GOLGA1: variants seen among roughly 807,000 people sequenced by gnomAD.
The protein encoded by GOLGA1 is golgin A1.
GOLGA1 carries 63 observed loss-of-function variants against 119.7 expected under a neutral mutation model. That is an observed-to-expected ratio of 0.53 (90% CI 0.43 to 0.65). The LOEUF is 0.65. Among genes scored for constraint, GOLGA1 ranks in the 30% least tolerant of loss-of-function variants. The pLI is 0.00. For missense variants in GOLGA1, 798 were observed against 912.8 expected (o/e 0.87, Z 1.62); for synonymous variants, 318 against 333.4 (o/e 0.95, Z 0.50).
rs749625921 is a variant in GOLGA1, at chr9:124,889,126, G to C, written c.1761+17C>G. Reference sequence around the variant, plus strand: ...GCATCTTGCTGTAGCACCCATGCAGGTGCAGCTGGGACTTACGTGCGACTC... The same window carrying C: ...GCATCTTGCTGTAGCACCCATGCAGCTGCAGCTGGGACTTACGTGCGACTC... On this transcript the variant is annotated intron_variant, in intron 18 of 22. Transcript: ENST00000373555. 1 of 1,592,794 alleles carries C rather than the reference G, an allele frequency of 6.3e-7. No homozygotes were observed. Among genetic ancestry groups the C allele is most frequent in the Non-Finnish European group, 8.6e-7 (1 of 1,167,066 alleles).
chr9:124,940,916 G>A (rs1391860140), intron 1 of GOLGA1, 55 bp downstream of exon 1: 1 of 152,306 alleles, frequency 6.6e-6, no homozygotes, highest in Non-Finnish European at 1.5e-5. Flanking sequence ...GACAGACCGA[G>A]GCCACTGGGA....
intron 19 of GOLGA1, chr9:124,887,361 G>C (rs765890916): frequency 6.6e-6 from 1 of 152,412 alleles, no homozygotes; most frequent in African/African-American, 2.4e-5. Context: ...GGCTCAGGGG[G>C]CTGGGCTTCT....
chr9:124,883,356 G>T (rs1829635101), intron 19 of GOLGA1, among the ~76,000 whole-genome samples: 1 of 151,978 alleles, frequency 6.6e-6, no homozygotes, highest in African/African-American at 2.4e-5. Flanking sequence ...TGCAATCTCG[G>T]CTCACTGCAA....
chr9:124,909,835 G>A (rs1047401583), intron 11 of GOLGA1, among the ~76,000 whole-genome samples: 8 of 152,112 alleles, frequency 5.3e-5, no homozygotes, highest in Admixed American at 5.2e-4. Flanking sequence ...TGCGATCTTG[G>A]CTCACTGCAA....
intron 8 of GOLGA1, among the ~76,000 whole-genome samples, chr9:124,922,359 C>A (rs1446345599): frequency 6.6e-6 from 1 of 151,394 alleles, no homozygotes; most frequent in Non-Finnish European, 1.5e-5. Context: ...TTGAGAGCAG[C>A]CTGGGTAACA....
intron 10 of GOLGA1, among the ~76,000 whole-genome samples, chr9:124,919,744 T>C (rs1830524920): frequency 2.0e-5 from 3 of 152,102 alleles, no homozygotes; most frequent in South Asian, 4.2e-4. Context: ...CACTGCCGAA[T>C]AGGGGGTGGT....
rs76747903 is a variant in GOLGA1 at position 124,898,792 on chromosome 9, G to T, written c.1312-148C>A. 3.3e-3 allele frequency: 1,949 copies of T among 589,710 alleles called. 31 individuals carry two copies. The African/African-American group carries it at 0.034, about 10-fold the overall frequency. 36.5% of individuals were successfully genotyped at this position (589,710 alleles called of 1,614,324 possible). A position where few individuals can be genotyped will look rare whatever the true frequency, so the allele number is the denominator to read the frequency against. On this transcript the variant is annotated intron_variant, in intron 14 of 22. Transcript: ENST00000373555. The stretch of plus-strand genomic sequence containing the variant: ...AGAAGCAGAGGGGACTGGTCAGAAA[G>T]TAGGAAGTCTCTGTGGAAACTCCAA...
At chr9:124,922,956 C>A in intron 8 of GOLGA1, 139 bp downstream of exon 8, 1 of 532,946 alleles carries the variant, frequency 1.9e-6, no homozygotes, top group Admixed American at 3.8e-5. Context: ...TAAAAACATA[C>A]AAATATGATT....
upstream of GOLGA1, among the ~76,000 whole-genome samples, chr9:124,941,950 ATAAAC>A (rs1831042661): frequency 6.6e-6 from 1 of 152,032 alleles, no homozygotes; most frequent in Admixed American, 6.5e-5. Flanking sequence ...CAGTAGGAAA[ATAAAC>A]AAAAGAGGAA....
chr9:124,924,624 G>A (rs1187769174), intron 7 of GOLGA1, among the ~76,000 whole-genome samples: 2 of 117,270 alleles, frequency 1.7e-5, no homozygotes, highest in Admixed American at 1.1e-4. Context: ...GCATCGTGGT[G>A]AGACCCTGTC....
intron 10 of GOLGA1, among the ~76,000 whole-genome samples, chr9:124,916,101 C>A (rs1335091251): frequency 6.9e-6 from 1 of 144,254 alleles, no homozygotes; most frequent in African/African-American, 2.6e-5. Flanking sequence ...GACTGTATCT[C>A]TAAATAAATA....
rs1829787089 is a variant in GOLGA1, at chr9:124,888,804, A to C, written c.1761+339T>G. Among the ~76,000 whole-genome samples the C allele has an allele frequency of 6.6e-6, 1 of 152,260 alleles. No individual in the cohort carries two copies. The highest frequency in any genetic ancestry group is 3.4e-3 in the Middle Eastern group (1 of 294). On this transcript the variant is annotated intron_variant, in intron 18 of 22. Coordinates refer to ENST00000373555, the MANE Select transcript of GOLGA1 (RefSeq NM_002077.4). The surrounding 1 kb of genome is among the most constrained non-coding windows in gnomAD (Gnocchi z 4.4). ...AAGCTCCGCCTCCCGGGTTCACATCATTCTCCTGCCTCAGCCTCCCGAGTA... is the reference window on the plus strand; with the variant it reads ...AAGCTCCGCCTCCCGGGTTCACATCCTTCTCCTGCCTCAGCCTCCCGAGTA...
intron 10 of GOLGA1, among the ~76,000 whole-genome samples, chr9:124,916,903 C>CAAAAAAAAAAAA (rs1830459683): frequency 1.1e-5 from 1 of 91,574 alleles, no homozygotes; most frequent in African/African-American, 4.3e-5. Context: ...AAAAAAAAAA[C>CAAAAAAAAAAAA]GAAAACAAAA....
intron 14 of GOLGA1, 23 bp downstream of exon 14, chr9:124,899,306 C>T: frequency 6.5e-7 from 1 of 1,527,190 alleles, no homozygotes; most frequent in Non-Finnish European, 8.8e-7. Context: ...CCTGGGCCCA[C>T]CCTCTCTTAG....
intron 12 of GOLGA1, among the ~76,000 whole-genome samples, chr9:124,904,783 T>C (rs920570598): frequency 6.6e-6 from 1 of 151,638 alleles, no homozygotes; most frequent in African/African-American, 2.4e-5. Flanking sequence ...CTACCAAAAA[T>C]ACAAAAATTA....
intron 10 of GOLGA1, among the ~76,000 whole-genome samples, chr9:124,914,354 A>G (rs978257648): frequency 1.3e-5 from 2 of 152,158 alleles, no homozygotes; most frequent in East Asian, 3.9e-4. Context: ...AAACAAAATT[A>G]GCCGGACGTG....
chr9:124,891,735 C>G (rs1325532669), intron 15 of GOLGA1, among the ~76,000 whole-genome samples: 1 of 151,724 alleles, frequency 6.6e-6, no homozygotes, highest in East Asian at 1.9e-4. Flanking sequence ...ACCTCTGCCT[C>G]CTGGGTTCAG....
At chr9:124,899,756 A>G (rs1736688003) in intron 13 of GOLGA1, among the ~76,000 whole-genome samples, 1 of 152,188 alleles carries the variant, frequency 6.6e-6, no homozygotes, top group Non-Finnish European at 1.5e-5. Context: ...CCTCCTTCAC[A>G]CTACTCAGTG....
chr9:124,915,591 T>A (rs1830422811), intron 10 of GOLGA1, among the ~76,000 whole-genome samples: 1 of 152,130 alleles, frequency 6.6e-6, no homozygotes, highest in African/African-American at 2.4e-5. Context: ...GGCTTATGTT[T>A]GTAATCCCAG....
Sources: allele counts gnomAD v4.1 joint callset (sites outside exome capture counted in the v4.1 genomes callset), GRCh38; gene constraint gnomAD v4.1.1; non-coding constraint Gnocchi (gnomAD v3.1); transcripts MANE v1.5; gene names NCBI Gene and HGNC (gene_info 2026-07-23, HGNC 2026-07-21).